FAM107B: variants seen among roughly 807,000 people sequenced by gnomAD.
The protein encoded by FAM107B is family with sequence similarity 107 member B.
FAM107B carries 21 observed loss-of-function variants against 31.5 expected under a neutral mutation model. The observed-to-expected ratio is 0.67, with a 90% CI of 0.47 to 0.96. FAM107B has a LOEUF of 0.96. Ranked by LOEUF, FAM107B falls within the 40% of genes least tolerant of loss-of-function variation. The probability of loss-of-function intolerance (pLI) is 0.00; values close to 1 mark genes in which losing one functional copy is unlikely to be tolerated. For missense variants in FAM107B, 452 were observed against 377.1 expected, an observed-to-expected ratio of 1.20 and a Z score of -1.64; for synonymous variants, 157 against 141.5, an observed-to-expected ratio of 1.11 and a Z score of -0.78.
At chr10:14,701,922 A>G (rs914732450) in intron 1 of FAM107B, among the ~76,000 whole-genome samples, 4 of 152,240 alleles carry the variant, frequency 2.6e-5, no homozygotes, top group Non-Finnish European at 5.9e-5. Context: ...AAGAAAATCT[A>G]ATAAGACAAT....
At chr10:14,618,388 A>G (rs779861652) in intron 2 of FAM107B, among the ~76,000 whole-genome samples, 1 of 152,096 alleles carries the variant, frequency 6.6e-6, no homozygotes, top group Non-Finnish European at 1.5e-5. Context: ...GTGAGAACAT[A>G]TGTCATATGT....
chr10:14,728,518 G>T (rs754483094), intron 1 of FAM107B, among the ~76,000 whole-genome samples: 18 of 152,132 alleles, frequency 1.2e-4, no homozygotes, highest in Admixed American at 2.6e-4. Context: ...ACCAGCAGGG[G>T]TAATTTTTGT....
chr10:14,694,225 T>C (rs1855212713), intron 1 of FAM107B, among the ~76,000 whole-genome samples: 1 of 152,250 alleles, frequency 6.6e-6, no homozygotes, highest in African/African-American at 2.4e-5. Flanking sequence ...TTCCCTTGGA[T>C]ATATGTCTAA....
At chr10:14,591,813 G>A (rs991970449) in intron 2 of FAM107B, among the ~76,000 whole-genome samples, 1 of 152,134 alleles carries the variant, frequency 6.6e-6, no homozygotes, top group African/African-American at 2.4e-5. Context: ...AAGCTTTCAT[G>A]ATAACTTCCA....
intron 1 of FAM107B, among the ~76,000 whole-genome samples, chr10:14,766,743 C>T (rs573220516): frequency 2.6e-5 from 4 of 151,640 alleles, no homozygotes; most frequent in African/African-American, 9.7e-5. Context: ...TTCACCAAGA[C>T]TGATTCAGGA....
intron 1 of FAM107B, among the ~76,000 whole-genome samples, chr10:14,695,012 C>A (rs982684682): frequency 2.6e-5 from 4 of 151,914 alleles, no homozygotes; most frequent in Non-Finnish European, 5.9e-5. Context: ...GATATAGTCC[C>A]GTTTATTTAT....
At chr10:14,670,113 G>T (rs984123976) in intron 1 of FAM107B, among the ~76,000 whole-genome samples, 2 of 152,070 alleles carry the variant, frequency 1.3e-5, no homozygotes, top group Non-Finnish European at 2.9e-5. Context: ...ATAAAAACTG[G>T]TTTCATTAAA....
chr10:14,723,407 G>C, intron 1 of FAM107B: 1 of 552,106 alleles, frequency 1.8e-6, no homozygotes, highest in East Asian at 4.6e-5. Flanking sequence ...CTTTTCAGCA[G>C]CATCTGCTCT....
At chr10:14,657,799 G>A (rs997006164) in intron 2 of FAM107B, among the ~76,000 whole-genome samples, 2 of 151,478 alleles carry the variant, frequency 1.3e-5, no homozygotes, top group East Asian at 1.9e-4. Context: ...CAAGCATGTT[G>A]CCACCTTCAC....
intron 1 of FAM107B, among the ~76,000 whole-genome samples, chr10:14,699,412 G>A (rs1392886859): frequency 6.6e-6 from 1 of 152,190 alleles, no homozygotes; most frequent in African/African-American, 2.4e-5. Context: ...CAGGGAACGA[G>A]AACCAGGGAG....
At chr10:14,767,089 G>GAGAC (rs1833194813) in intron 1 of FAM107B, among the ~76,000 whole-genome samples, 10 of 112,538 alleles carry the variant, frequency 8.9e-5, no homozygotes, top group Non-Finnish European at 1.4e-4. Context: ...GAGAGAGAGA[G>GAGAC]AGAGAGAGAG....
At chr10:14,666,741 G>C (rs898425465) in intron 2 of FAM107B, among the ~76,000 whole-genome samples, 3 of 152,158 alleles carry the variant, frequency 2.0e-5, no homozygotes, top group African/African-American at 7.2e-5. Context: ...TAATTGATGG[G>C]GGTACAGGGA....
intron 1 of FAM107B, among the ~76,000 whole-genome samples, chr10:14,744,305 T>G (rs1481834030): frequency 6.6e-6 from 1 of 152,158 alleles, no homozygotes; most frequent in Non-Finnish European, 1.5e-5. Context: ...CAGAGACAGT[T>G]TGACTTCCTC....
intron 2 of FAM107B, among the ~76,000 whole-genome samples, chr10:14,628,575 T>C (rs1224708901): frequency 1.3e-5 from 2 of 152,240 alleles, no homozygotes; most frequent in South Asian, 2.1e-4. Flanking sequence ...CGTGGGATAC[T>C]GTAATTGGTT....
In FAM107B at chr10:14,551,803, A is replaced by C. The variant is rs538640346; in HGVS notation, c.470-21288T>G. Among the ~76,000 whole-genome samples, 39 of 152,272 alleles carry C rather than the reference A, an allele frequency of 2.6e-4. No homozygotes were observed. In the South Asian group the frequency reaches 8.1e-3, roughly 32 times the overall value. On this transcript the variant is annotated intron_variant, in intron 2 of 4. Transcript: ENST00000181796. Reference sequence around the variant, plus strand: ...TCCTTCTATAGTTTAATCCACTGAAATGCCAGTCTCAATAGTCCCTATTTG... The same window carrying C: ...TCCTTCTATAGTTTAATCCACTGAACTGCCAGTCTCAATAGTCCCTATTTG...
chr10:14,615,915 A>G (rs1564601205), intron 2 of FAM107B, among the ~76,000 whole-genome samples: 1 of 152,228 alleles, frequency 6.6e-6, no homozygotes, highest in Non-Finnish European at 1.5e-5. Context: ...GTACTTCATA[A>G]TCAGAGCTAG....
chr10:14,567,022 G>A (rs190169599), intron 2 of FAM107B, among the ~76,000 whole-genome samples: 11 of 152,282 alleles, frequency 7.2e-5, no homozygotes, highest in South Asian at 2.1e-4. Context: ...GCATGGTGGC[G>A]GACGCCTGTA....
rs573144404 is a variant in FAM107B, at chr10:14,721,294, C to T, written c.411+52959G>A. ...AAGTCTTTGCTATTGTGAATAGTGC[C>T]GCTATAAACATACGTTTGCATGTGT... is the stretch of plus-strand genomic sequence containing the variant. On this transcript the variant is annotated intron_variant, in intron 1 of 4. Transcript: ENST00000181796. 3.9e-4 allele frequency among the ~76,000 whole-genome samples: 60 copies of T among 152,146 alleles called. No individual in the cohort carries two copies. In the South Asian group the frequency reaches 4.4e-3, roughly 11 times the overall value.
rs375392906 is a variant in FAM107B at position 14,557,080 on chromosome 10, C to A, written c.470-26565G>T. On this transcript the variant is annotated intron_variant, in intron 2 of 4. Coordinates refer to ENST00000181796, the MANE Select transcript of FAM107B (RefSeq NM_031453.4). ...ACACTTCTCCTGACCCCTGGCTCTT[C>A]CTCACCTTCTCAGTCTGTATTTCAA... Among the ~76,000 whole-genome samples the A allele has an allele frequency of 7.9e-5, 12 of 152,338 alleles. 1 individual carries two copies. In the East Asian group the frequency reaches 2.1e-3, roughly 27 times the overall value.
Sources: allele counts gnomAD v4.1 joint callset (sites outside exome capture counted in the v4.1 genomes callset), GRCh38; gene constraint gnomAD v4.1.1; transcripts MANE v1.5; gene names NCBI Gene and HGNC (gene_info 2026-07-23, HGNC 2026-07-21).